WWOX: variants seen among roughly 807,000 people sequenced by gnomAD.
WWOX encodes the protein WW domain-containing oxidoreductase.
A neutral mutation model predicts 46.2 loss-of-function variants in WWOX; 69 were observed. The ratio of observed to expected loss-of-function variants is 1.49; its 90% CI spans 1.23 to 1.82. The LOEUF (loss-of-function observed/expected upper bound fraction) is 1.82. Among genes scored for constraint, WWOX ranks in the 40% most tolerant of loss-of-function variants. The pLI is 0.00. For missense variants in WWOX, 919 were observed against 542.6 expected (o/e 1.69, Z -6.89); for synonymous variants, 359 against 202.6 (o/e 1.77, Z -6.56).
intron 8 of WWOX, among the ~76,000 whole-genome samples, chr16:79,198,582 G>T (rs973071445): frequency 2.0e-5 from 3 of 152,130 alleles, no homozygotes; most frequent in African/African-American, 7.2e-5. Flanking sequence ...CGGGATAATT[G>T]ACAAATGCAT....
intron 8 of WWOX, among the ~76,000 whole-genome samples, chr16:78,975,597 C>G (rs1037985857): frequency 6.6e-6 from 1 of 151,976 alleles, no homozygotes; most frequent in Non-Finnish European, 1.5e-5. Flanking sequence ...TGGTATATGC[C>G]TCGTAAATGA....
intron 8 of WWOX, among the ~76,000 whole-genome samples, chr16:79,000,961 C>G (rs1027255753): frequency 6.6e-6 from 1 of 152,180 alleles, no homozygotes; most frequent in African/African-American, 2.4e-5. Flanking sequence ...TGTGGTTCAA[C>G]TATGAGATTC....
Position 78,192,233 on chromosome 16 carries a change from G to A in WWOX, c.516+27944G>A, listed in dbSNP as rs138127610. On this transcript the variant is annotated intron_variant, in intron 5 of 8. Transcript: ENST00000566780. ...ACGAAGGCCGGGTACGGTGGCTCAT[G>A]CCTGTAATCCCAGCACTTTGGGATG... Among the ~76,000 whole-genome samples the A allele has an allele frequency of 9.4e-3, 1,436 of 152,256 alleles. 12 individuals are homozygous for A. The highest frequency in any genetic ancestry group is 0.031 in the Middle Eastern group (9 of 292).
chr16:78,653,381 A>G (rs1434310868), intron 8 of WWOX, among the ~76,000 whole-genome samples: 1 of 152,234 alleles, frequency 6.6e-6, no homozygotes, highest in African/African-American at 2.4e-5. Context: ...CAGAGCAGTA[A>G]TAATAGATGA....
chr16:78,924,468 T>G (rs2045453090), intron 8 of WWOX, among the ~76,000 whole-genome samples: 1 of 152,208 alleles, frequency 6.6e-6, no homozygotes, highest in African/African-American at 2.4e-5. Context: ...ATATCTCACT[T>G]AAAACTTGTC....
At chr16:78,693,783 T>A (rs2048040904) in intron 8 of WWOX, among the ~76,000 whole-genome samples, 1 of 152,102 alleles carries the variant, frequency 6.6e-6, no homozygotes, top group Admixed American at 6.5e-5. Flanking sequence ...AGGCTGAGAA[T>A]TGTTGATCTA....
chr16:78,359,315 A>G (rs2094891446), intron 5 of WWOX, among the ~76,000 whole-genome samples: 1 of 152,200 alleles, frequency 6.6e-6, no homozygotes, highest in South Asian at 2.1e-4. Context: ...AAGTTTTAGC[A>G]TTTTACATAA....
intron 8 of WWOX, among the ~76,000 whole-genome samples, chr16:79,191,157 G>A (rs562167059): frequency 7.7e-4 from 117 of 152,158 alleles, no homozygotes; most frequent in Admixed American, 1.5e-3. Context: ...GGGTTCAAGC[G>A]ATTCTTCTGC....
intron 8 of WWOX, among the ~76,000 whole-genome samples, chr16:78,520,014 G>A (rs1035030828): frequency 2.4e-4 from 37 of 152,178 alleles, no homozygotes; most frequent in African/African-American, 8.4e-4. Flanking sequence ...TCCACACTGA[G>A]AACATACTGT....
At chr16:79,211,565 C>T (rs760182182) in intron 8 of WWOX, 43 bp from the exon 9 acceptor site, 39 of 1,613,534 alleles carry the variant, frequency 2.4e-5, no homozygotes, top group Non-Finnish European at 2.7e-5. Flanking sequence ...CTCATCACTC[C>T]TTTTCTTAAA....
At chr16:78,897,879 G>A (rs1435139829) in intron 8 of WWOX, 5 of 152,184 alleles carry the variant, frequency 3.3e-5, no homozygotes, top group Non-Finnish European at 4.4e-5. Flanking sequence ...GGTGAGAAAC[G>A]CTATCTCTTG....
At chr16:79,133,309 A>G (rs529238265) in intron 8 of WWOX, among the ~76,000 whole-genome samples, 3 of 152,298 alleles carry the variant, frequency 2.0e-5, no homozygotes, top group African/African-American at 7.2e-5. Context: ...GACGCCACTT[A>G]ACAATTTTCC....
At chr16:78,590,970 G>A (rs1014493881) in intron 8 of WWOX, among the ~76,000 whole-genome samples, 6 of 152,076 alleles carry the variant, frequency 3.9e-5, no homozygotes, top group African/African-American at 1.4e-4. Context: ...TCCTCATTTG[G>A]TTGAGATGCT....
At chr16:78,547,788 A>G (rs2044076852) in intron 8 of WWOX, among the ~76,000 whole-genome samples, 2 of 152,168 alleles carry the variant, frequency 1.3e-5, no homozygotes, top group South Asian at 4.2e-4. Flanking sequence ...CCCATTCATG[A>G]AGGCTTTGCC....
intron 8 of WWOX, among the ~76,000 whole-genome samples, chr16:79,118,472 A>G (rs181409019): frequency 3.0e-4 from 46 of 152,344 alleles, no homozygotes; most frequent in African/African-American, 1.1e-3. Context: ...ATACAGAGAC[A>G]TGAAGTGAGC....
chr16:78,409,715 C>T (rs8053989), intron 6 of WWOX, among the ~76,000 whole-genome samples: 2,196 of 152,224 alleles, frequency 0.014, 58 homozygotes, highest in African/African-American at 0.05. Context: ...ATTAAGGTGT[C>T]GGTATGGCTC....
intron 8 of WWOX, among the ~76,000 whole-genome samples, chr16:78,675,683 A>G (rs1424120274): frequency 6.6e-6 from 1 of 152,188 alleles, no homozygotes; most frequent in African/African-American, 2.4e-5. Context: ...TTTTAAAAAC[A>G]TGACTTTCTG....
chr16:78,505,155 G>T (rs1223259680), intron 8 of WWOX, among the ~76,000 whole-genome samples: 1 of 152,144 alleles, frequency 6.6e-6, no homozygotes, highest in Admixed American at 6.5e-5. Flanking sequence ...CAAATCTAAA[G>T]ATCTTTTAAA....
Position 78,968,194 on chromosome 16 carries a change from G to A in WWOX, c.1057-243414G>A, listed in dbSNP as rs146790930. ...CGTGGTCTGCGTGGCACAGTGCGTG[G>A]TCTGCATGGCACAGCACATGGACAT... On this transcript the variant is annotated intron_variant, in intron 8 of 8. Coordinates refer to ENST00000566780, the MANE Select transcript of WWOX (RefSeq NM_016373.4). Among the ~76,000 whole-genome samples, 3 of 152,182 alleles carry A rather than the reference G, an allele frequency of 2.0e-5. No homozygotes were observed. In the East Asian group the frequency reaches 5.8e-4, roughly 30 times the overall value.
Sources: gnomAD v4.1 joint callset for allele counts (sites outside exome capture counted in the v4.1 genomes callset) on GRCh38, gnomAD v4.1.1 for gene constraint, MANE v1.5 for transcripts, NCBI Gene and HGNC (gene_info 2026-07-23, HGNC 2026-07-21) for gene names.